Variants in CTNNA2 observed in about 807,000 individuals in gnomAD.
CTNNA2 encodes the protein catenin alpha-2.
In CTNNA2, 42 loss-of-function variants were observed where a neutral mutation model predicts 101.0. The observed-to-expected ratio is 0.42, with a 90% CI of 0.32 to 0.54. The LOEUF (loss-of-function observed/expected upper bound fraction) is 0.54. Among genes scored for constraint, CTNNA2 ranks in the 20% least tolerant of loss-of-function variants. CTNNA2 has a pLI of 0.14. For missense variants in CTNNA2, 871 were observed against 1,223.1 expected, an observed-to-expected ratio of 0.71 and a Z score of 4.29; for synonymous variants, 450 against 456.4, an observed-to-expected ratio of 0.99 and a Z score of 0.18.
chr2:80,081,486 C>G (rs371970522), intron 7 of CTNNA2, among the ~76,000 whole-genome samples: 1 of 151,570 alleles, frequency 6.6e-6, no homozygotes, highest in South Asian at 2.1e-4. Flanking sequence ...AAGTCTCTGT[C>G]TCTCTCTCCC....
At chr2:80,628,583 C>G (rs1293670495) in intron 18 of CTNNA2, among the ~76,000 whole-genome samples, 1 of 151,356 alleles carries the variant, frequency 6.6e-6, no homozygotes, top group African/African-American at 2.4e-5. Flanking sequence ...CCTATTCTTA[C>G]ACCTTATACA....
chr2:79,534,085 G>A (rs1347257341), intron 1 of CTNNA2, among the ~76,000 whole-genome samples: 10 of 152,062 alleles, frequency 6.6e-5, no homozygotes, highest in African/African-American at 2.2e-4. Context: ...AAATTGTGAT[G>A]TATGTTGTTT....
At chr2:80,636,715 T>A (rs1672921882) in intron 18 of CTNNA2, among the ~76,000 whole-genome samples, 1 of 152,184 alleles carries the variant, frequency 6.6e-6, no homozygotes, top group Non-Finnish European at 1.5e-5. Context: ...TTTATTTTGA[T>A]GCTTCCCAAA....
chr2:79,818,821 T>TTATA (rs372924495), intron 3 of CTNNA2, among the ~76,000 whole-genome samples: 979 of 74,252 alleles, frequency 0.013, 27 homozygotes, highest in Non-Finnish European at 0.016. Context: ...CAAAATGCAA[T>TTATA]TATATATATA....
chr2:79,413,868 G>A (rs146882838), intron 4 of CTNNA2, among the ~76,000 whole-genome samples: 2 of 146,402 alleles, frequency 1.4e-5, no homozygotes, highest in Admixed American at 7.0e-5. Context: ...TGTCTTTTTT[G>A]AGAAATCTCT....
chr2:80,408,839 T>C (rs1276803945), intron 8 of CTNNA2, among the ~76,000 whole-genome samples: 2 of 152,152 alleles, frequency 1.3e-5, no homozygotes, highest in Admixed American at 1.3e-4. Flanking sequence ...ATGGCACTAC[T>C]ATTGGAACCC....
rs75679524 is a variant in CTNNA2, at chr2:79,928,180, A to G, written c.1056+18383A>G. On this transcript the variant is annotated intron_variant, in intron 7 of 18. Coordinates refer to ENST00000402739, the MANE Select transcript of CTNNA2 (RefSeq NM_001282597.3). ...AATACCTCAGGATACACCCCTTAAGAAGCTCAAGGATCTTGTCTAAGTGTG... is the reference window on the plus strand; with the variant it reads ...AATACCTCAGGATACACCCCTTAAGGAGCTCAAGGATCTTGTCTAAGTGTG... Among the ~76,000 whole-genome samples, 43 of 152,242 alleles carry G rather than the reference A, an allele frequency of 2.8e-4. No individual in the cohort carries two copies. The East Asian group carries it at 7.3e-3, about 26-fold the overall frequency.
chr2:80,636,650 ATTTGGGGAAT>A (rs1672913693), intron 18 of CTNNA2, among the ~76,000 whole-genome samples: 1 of 152,130 alleles, frequency 6.6e-6, no homozygotes, highest in East Asian at 1.9e-4. Context: ...AATAGCTGGA[ATTTGGGGAAT>A]TTAAGGTCCT....
At chr2:79,719,988 A>T (rs935187368) in intron 2 of CTNNA2, among the ~76,000 whole-genome samples, 1 of 152,038 alleles carries the variant, frequency 6.6e-6, no homozygotes, top group Non-Finnish European at 1.5e-5. Flanking sequence ...TGAGAAGGGT[A>T]TTTCCTAGAT....
chr2:79,546,584 A>G (rs575365971), intron 1 of CTNNA2, among the ~76,000 whole-genome samples: 1 of 152,258 alleles, frequency 6.6e-6, no homozygotes, highest in South Asian at 2.1e-4. Flanking sequence ...TATATTAAAA[A>G]TAGGTACTAA....
chr2:79,729,639 A>G (rs1452827595), intron 2 of CTNNA2, among the ~76,000 whole-genome samples: 1 of 152,134 alleles, frequency 6.6e-6, no homozygotes, highest in Non-Finnish European at 1.5e-5. Flanking sequence ...TCACAAGAAG[A>G]ACCTTGACAA....
Position 80,306,440 on chromosome 2 carries a change from CTTTCTTTCTT to C in CTNNA2, c.1057-86769_1057-86760del, listed in dbSNP as rs1237855647. 8.5e-4 allele frequency among the ~76,000 whole-genome samples: 118 copies of C among 139,128 alleles called. 2 individuals carry two copies. In the East Asian group the frequency reaches 0.02, roughly 24 times the overall value. The allele number at this position is 139,128 out of a possible 152,430, so 91.3% of individuals were successfully genotyped here. A position where few individuals can be genotyped will look rare whatever the true frequency, so the allele number is the denominator to read the frequency against. On this transcript the variant is annotated intron_variant, in intron 7 of 18. Coordinates refer to ENST00000402739, the MANE Select transcript of CTNNA2 (RefSeq NM_001282597.3). ...TCTTTCTTTCTTTCTTTCTTTCTTT[CTTTCTTTCTT>C]TCTCTCTCTCTCTTTCTTTCTTTCT... is the stretch of plus-strand genomic sequence containing the variant.
intron 3 of CTNNA2, among the ~76,000 whole-genome samples, chr2:79,769,012 G>A (rs1034847341): frequency 1.6e-4 from 25 of 152,020 alleles, no homozygotes; most frequent in African/African-American, 4.6e-4. Context: ...CCGCCACCAC[G>A]CCTGGCTAAT....
At position 80,401,444 on chromosome 2, in the gene CTNNA2, G is replaced by A. The variant is rs115434555; in HGVS notation, c.1137+8153G>A. ...GGATACCCTAATCCAGTAGTTTCCT[G>A]TTACTCAGTTGGCTTGAGAAGACTT... On this transcript the variant is annotated intron_variant, in intron 8 of 18. Coordinates refer to ENST00000402739, the MANE Select transcript of CTNNA2 (RefSeq NM_001282597.3). Among the ~76,000 whole-genome samples, 1,006 of 152,258 alleles carry A rather than the reference G, an allele frequency of 6.6e-3. 15 individuals are homozygous for A. The highest frequency in any genetic ancestry group is 0.023 in the African/African-American group (971 of 41,532).
At chr2:80,064,151 C>A (rs781610238) in intron 7 of CTNNA2, among the ~76,000 whole-genome samples, 4 of 152,220 alleles carry the variant, frequency 2.6e-5, no homozygotes, top group African/African-American at 9.6e-5. Context: ...TTCCATGCAG[C>A]CTTCCTCATT....
rs201700281 is a variant in CTNNA2 at position 80,555,678 on chromosome 2, G to T, written c.1541-15G>T. 555 of 1,451,884 alleles carry T rather than the reference G, an allele frequency of 3.8e-4. 1 individual carries two copies. The highest frequency in any genetic ancestry group is 8.2e-4 in the Admixed American group (34 of 41,358). The allele number at this position is 1,451,884 out of a possible 1,614,324, so 89.9% of individuals were successfully genotyped here. A position where few individuals can be genotyped will look rare whatever the true frequency, so the allele number is the denominator to read the frequency against. On this transcript the variant is annotated splice_polypyrimidine_tract_variant and intron_variant, in intron 11 of 18. Coordinates refer to ENST00000402739, the MANE Select transcript of CTNNA2 (RefSeq NM_001282597.3). ...TATGTAAAGTCATCTAAATGTGTAT[G>T]TGTCCTCTCCATAGAAAATCACATC... is the stretch of plus-strand genomic sequence containing the variant.
At chr2:80,645,575 A>G (rs1192956730) in intron 18 of CTNNA2, among the ~76,000 whole-genome samples, 1 of 112,104 alleles carries the variant, frequency 8.9e-6, no homozygotes, top group East Asian at 3.5e-4. Flanking sequence ...CAAGGTTTTG[A>G]TTCAGTAAGT....
intron 7 of CTNNA2, among the ~76,000 whole-genome samples, chr2:80,382,435 A>G (rs528178220): frequency 6.6e-6 from 1 of 152,332 alleles, no homozygotes; most frequent in South Asian, 2.1e-4. Context: ...TTATTTGTAT[A>G]CCGTCTGACA....
At chr2:79,406,558 A>AT (rs1344714377) in intron 4 of CTNNA2, among the ~76,000 whole-genome samples, 1 of 152,012 alleles carries the variant, frequency 6.6e-6, no homozygotes, top group East Asian at 1.9e-4. Flanking sequence ...GCATAGTCTT[A>AT]TGCAGCTGTC....
Sources: gnomAD v4.1 joint callset for allele counts (sites outside exome capture counted in the v4.1 genomes callset) on GRCh38, gnomAD v4.1.1 for gene constraint, MANE v1.5 for transcripts, NCBI Gene and HGNC (gene_info 2026-07-23, HGNC 2026-07-21) for gene names.